U2AF2: variants seen among roughly 807,000 people sequenced by gnomAD.
The protein encoded by U2AF2 is splicing factor U2AF 65 kDa subunit.
Under a neutral mutation model 52.6 loss-of-function variants are expected in U2AF2, and 6 were observed. The ratio of observed to expected loss-of-function variants is 0.11; its 90% confidence interval spans 0.06 to 0.23. The LOEUF is 0.23. U2AF2 is among the 10% of genes least tolerant of loss of function. U2AF2 has a pLI of 1.00. For missense variants in U2AF2, 222 were observed against 677.1 expected (o/e 0.33, Z 7.46); for synonymous variants, 284 against 258.2 (o/e 1.10, Z -0.96).
At chr19:55,659,405 G>T (rs537728) in intron 2 of U2AF2, 60 bp downstream of exon 2, 1 of 1,410,546 alleles carries the variant, frequency 7.1e-7, no homozygotes, top group African/African-American at 1.5e-5. Flanking sequence ...GTGTTGGCCG[G>T]CCTGTGGGTG....
At chr19:55,655,353 G>A (rs1301875610) in intron 1 of U2AF2, among the ~76,000 whole-genome samples, 200 bp downstream of exon 1, 1 of 152,184 alleles carries the variant, frequency 6.6e-6, no homozygotes, top group Non-Finnish European at 1.5e-5. Flanking sequence ...GGGCGGCGGG[G>A]CGCGGGCCCG....
At chr19:55,670,053 G>A (rs111735134) in intron 11 of U2AF2, among the ~76,000 whole-genome samples, 4 of 152,254 alleles carry the variant, frequency 2.6e-5, no homozygotes, top group African/African-American at 7.2e-5. Flanking sequence ...GTGGAGTGGG[G>A]AAGAGTGCCG....
intron 9 of U2AF2, 68 bp from the exon 10 acceptor site, chr19:55,669,015 G>T (rs1984716208): frequency 6.4e-7 from 1 of 1,561,500 alleles, no homozygotes. Flanking sequence ...TTGGGGGTAG[G>T]TGTCGGGCTC....
chr19:55,672,718 C>G (rs1355838639), intron 11 of U2AF2, among the ~76,000 whole-genome samples: 2 of 150,602 alleles, frequency 1.3e-5, no homozygotes, highest in Non-Finnish European at 2.9e-5. Context: ...TCAAATTTTT[C>G]TATCTCAAGA....
Position 55,674,704 on chromosome 19 carries a change from G to GTA in U2AF2, c.*638_*639dup, listed in dbSNP as rs1238390352. ...GAATTTGCTCATTAAACATTTTGTT[G>GTA]TATTTTACTTTATGGAGCGGCTGTG... On this transcript the variant is annotated 3_prime_UTR_variant, in exon 12 of 12. Transcript: ENST00000308924. 1 of 152,394 alleles carries GTA rather than the reference G, an allele frequency of 6.6e-6. No individual in the cohort carries two copies. The highest frequency in any genetic ancestry group is 1.5e-5 in the Non-Finnish European group (1 of 68,132). The allele number at this position is 152,394 out of a possible 1,614,324, so 9.4% of individuals were successfully genotyped here. A position where few individuals can be genotyped will look rare whatever the true frequency, so the allele number is the denominator to read the frequency against.
chr19:55,662,683 GA>G (rs1984293370), intron 6 of U2AF2, 65 bp downstream of exon 6: 4 of 1,432,666 alleles, frequency 2.8e-6, no homozygotes, highest in Non-Finnish European at 3.9e-6. Flanking sequence ...CCCTTAGGCT[GA>G]TGTTGTGTGG....
chr19:55,666,621 T>A (rs1480906307), intron 7 of U2AF2, among the ~76,000 whole-genome samples: 27 of 152,232 alleles, frequency 1.8e-4, no homozygotes, highest in Admixed American at 1.8e-3. Context: ...CTCACACACG[T>A]GGCTCACACG....
At position 55,663,668 on chromosome 19, in the gene U2AF2, G is replaced by A. The variant is rs1402355640; in HGVS notation, c.666G>A (p.Gln222=). The A allele has an allele frequency of 6.2e-7, 1 of 1,614,194 alleles. No individual in the cohort carries two copies. Among genetic ancestry groups the A allele is most frequent in the African/African-American group, 1.3e-5 (1 of 75,060 alleles). The change falls in exon 7 of 12, where the codon CAG becomes CAA. Residue 222 remains glutamine (Q), a synonymous_variant. Transcript: ENST00000308924. The part of the protein sequence containing the change: ...MAFDGIIFQG[Q]SLKIRRPHDY... ...TTGATGGCATCATCTTCCAGGGCCA[G>A]TCACTAAAGATCCGCAGGCCTCACG... is the stretch of plus-strand genomic sequence containing the variant.
rs2123675831 is a variant in U2AF2, at chr19:55,660,111, G to A, written c.186-66G>A. 7 of 1,508,670 alleles carry A rather than the reference G, an allele frequency of 4.6e-6. No homozygotes were observed. In the East Asian group the frequency reaches 1.6e-4, roughly 35 times the overall value. 93.5% of individuals were successfully genotyped at this position (1,508,670 alleles called of 1,614,324 possible). On this transcript the variant is annotated intron_variant, in intron 2 of 11. Coordinates refer to ENST00000308924, the MANE Select transcript of U2AF2 (RefSeq NM_007279.3). ...TGGGGCTCAGTGCCCTTGGGGGGGT[G>A]TGGCATGTGGGGAAGACGAGGGTCC...
At chr19:55,672,587 C>T (rs1207804960) in intron 11 of U2AF2, among the ~76,000 whole-genome samples, 3 of 152,148 alleles carry the variant, frequency 2.0e-5, no homozygotes, top group African/African-American at 7.2e-5. Flanking sequence ...GGGGACACCC[C>T]CCCTCCTCCA....
intron 11 of U2AF2, 148 bp downstream of exon 11, chr19:55,669,840 C>G: frequency 7.9e-7 from 1 of 1,273,056 alleles, no homozygotes. Flanking sequence ...GCAGCGCGTG[C>G]GTATAGGTGT....
At chr19:55,664,751 T>C (rs1984435340) in intron 7 of U2AF2, among the ~76,000 whole-genome samples, 2 of 152,126 alleles carry the variant, frequency 1.3e-5, no homozygotes. Flanking sequence ...ACAGTCTCGC[T>C]CTGTCACCCA....
chr19:55,672,586 C>A (rs1984988971), intron 11 of U2AF2, among the ~76,000 whole-genome samples: 1 of 152,092 alleles, frequency 6.6e-6, no homozygotes, highest in African/African-American at 2.4e-5. Flanking sequence ...TGGGGACACC[C>A]CCCCTCCTCC....
intron 1 of U2AF2, chr19:55,658,771 G>A (rs534960209): frequency 1.2e-3 from 189 of 158,154 alleles, no homozygotes; most frequent in Non-Finnish European, 2.2e-3. Flanking sequence ...CCTGATGGTG[G>A]GGCTGTGGGT....
intron 2 of U2AF2, among the ~76,000 whole-genome samples, chr19:55,659,690 C>T (rs1298523831): frequency 1.3e-5 from 2 of 151,828 alleles, no homozygotes; most frequent in African/African-American, 2.4e-5. Flanking sequence ...TTTCGACTCT[C>T]TGTGGCTCTC....
At chr19:55,655,270 C>T (rs896792141) in intron 1 of U2AF2, 117 bp downstream of exon 1, 34 of 1,148,168 alleles carry the variant, frequency 3.0e-5, no homozygotes, top group Non-Finnish European at 4.0e-5. Flanking sequence ...CGCCCCCCAA[C>T]CCTGGTTCCG....
Position 55,674,151 on chromosome 19 carries a change from A to G in U2AF2, c.*83A>G, listed in dbSNP as rs555741577. On this transcript the variant is annotated 3_prime_UTR_variant, in exon 12 of 12. Coordinates refer to ENST00000308924, the MANE Select transcript of U2AF2 (RefSeq NM_007279.3). ...CCCCCCTTATCCCCCTCTGAAGACG[A>G]TGGGCAGAGGAGTGACAGCCGCAGA... 1.0e-3 allele frequency: 1,271 copies of G among 1,261,060 alleles called. 9 individuals are homozygous for G. The African/African-American group carries it at 0.02, about 19-fold the overall frequency. 78.1% of individuals were successfully genotyped at this position (1,261,060 alleles called of 1,614,324 possible).
chr19:55,664,476 C>T (rs1031845149), intron 7 of U2AF2, among the ~76,000 whole-genome samples: 1 of 152,100 alleles, frequency 6.6e-6, no homozygotes, highest in African/African-American at 2.4e-5. Context: ...GTTGGCTGAC[C>T]CTTGTAGCTG....
At chr19:55,663,471 G>C in intron 6 of U2AF2, 135 bp from the exon 7 acceptor site, 1 of 1,372,782 alleles carries the variant, frequency 7.3e-7, no homozygotes, top group East Asian at 2.4e-5. Context: ...TGTACTCCCA[G>C]TGCCCAGCCT....
Sources: gnomAD v4.1 joint callset for allele counts (sites outside exome capture counted in the v4.1 genomes callset) on GRCh38, gnomAD v4.1.1 for gene constraint, MANE v1.5 for transcripts, NCBI Gene and HGNC (gene_info 2026-07-23, HGNC 2026-07-21) for gene names.